MGAT5: variants seen among roughly 807,000 people sequenced by gnomAD.
The protein encoded by MGAT5 is alpha-1,6-mannosylglycoprotein 6-beta-N-acetylglucosaminyltransferase A.
In MGAT5, 30 loss-of-function variants were observed where a neutral mutation model predicts 94.3. That is an observed-to-expected ratio of 0.32 (90% CI 0.24 to 0.43). The LOEUF (loss-of-function observed/expected upper bound fraction) is 0.43. Ranked by LOEUF, MGAT5 falls within the 20% of genes least tolerant of loss-of-function variation. MGAT5 has a pLI of 1.00. For synonymous variants in MGAT5, 310 were observed against 322.9 expected, an observed-to-expected ratio of 0.96 and a Z score of 0.43; for missense variants, 691 against 905.5, an observed-to-expected ratio of 0.76 and a Z score of 3.04.
At chr2:134,179,618 C>A (rs1688640529) in intron 1 of MGAT5, among the ~76,000 whole-genome samples, 1 of 152,172 alleles carries the variant, frequency 6.6e-6, no homozygotes, top group Admixed American at 6.5e-5. Flanking sequence ...TGTCCAGGGT[C>A]ACCCGTAGGA....
At chr2:134,287,538 C>T (rs888134827) in intron 2 of MGAT5, among the ~76,000 whole-genome samples, 1 of 152,118 alleles carries the variant, frequency 6.6e-6, no homozygotes, top group African/African-American at 2.4e-5. Flanking sequence ...AGCTGCTGGG[C>T]CACCTCCTAG....
At chr2:134,391,483 A>G (rs1300603506) in intron 10 of MGAT5, among the ~76,000 whole-genome samples, 1 of 152,140 alleles carries the variant, frequency 6.6e-6, no homozygotes, top group East Asian at 1.9e-4. Flanking sequence ...GGGTGCCACT[A>G]TGGTTGGGTT....
chr2:134,414,610 T>C (rs1046108634), intron 12 of MGAT5, among the ~76,000 whole-genome samples: 2 of 152,132 alleles, frequency 1.3e-5, no homozygotes, highest in African/African-American at 2.4e-5. Context: ...AATAGATATT[T>C]TTTTCATGGT....
chr2:134,354,270 A>T (rs534546461), intron 9 of MGAT5, among the ~76,000 whole-genome samples: 2 of 152,290 alleles, frequency 1.3e-5, no homozygotes, highest in East Asian at 3.9e-4. Flanking sequence ...TACTGATGGA[A>T]TGCACAGTTT....
intron 15 of MGAT5, 65 bp downstream of exon 15, chr2:134,441,980 C>A: frequency 1.3e-6 from 2 of 1,564,216 alleles, no homozygotes; most frequent in South Asian, 2.3e-5. Context: ...GTTGGGTAGT[C>A]AGGTGAGAGG....
At chr2:134,123,296 C>T (rs1685699859) in intron 1 of MGAT5, among the ~76,000 whole-genome samples, 1 of 152,164 alleles carries the variant, frequency 6.6e-6, no homozygotes, top group African/African-American at 2.4e-5. Flanking sequence ...ACAACTTTTC[C>T]CTAATGTTCC....
intron 10 of MGAT5, among the ~76,000 whole-genome samples, chr2:134,366,631 C>A (rs1026382636): frequency 6.6e-6 from 1 of 152,152 alleles, no homozygotes; most frequent in Non-Finnish European, 1.5e-5. Flanking sequence ...CTGATGGCTT[C>A]TCAGCCTTAC....
chr2:134,333,618 G>T (rs555688688), intron 4 of MGAT5, among the ~76,000 whole-genome samples: 1 of 151,924 alleles, frequency 6.6e-6, no homozygotes, highest in East Asian at 1.9e-4. Flanking sequence ...AGGTGGTGGG[G>T]CTCACCTTGG....
intron 10 of MGAT5, among the ~76,000 whole-genome samples, chr2:134,367,948 G>T (rs1680537909): frequency 6.6e-6 from 1 of 152,218 alleles, no homozygotes; most frequent in African/African-American, 2.4e-5. Context: ...GCCTTTTAAG[G>T]AAGCAAGGGC....
At chr2:134,394,305 G>A (rs186155776) in intron 10 of MGAT5, among the ~76,000 whole-genome samples, 66 of 152,212 alleles carry the variant, frequency 4.3e-4, no homozygotes, top group African/African-American at 1.5e-3. Flanking sequence ...CACTGTGTGT[G>A]TTCGTATTTT....
chr2:134,353,593 T>G (rs748733619), intron 9 of MGAT5, among the ~76,000 whole-genome samples: 24 of 152,296 alleles, frequency 1.6e-4, no homozygotes, highest in Admixed American at 2.6e-4. Flanking sequence ...CTAGCACAAA[T>G]TGTATTTGAA....
chr2:134,311,346 A>C (rs1346950606), intron 2 of MGAT5, among the ~76,000 whole-genome samples: 1 of 152,148 alleles, frequency 6.6e-6, no homozygotes, highest in Non-Finnish European at 1.5e-5. Flanking sequence ...GAACTAGATA[A>C]AAAGTTAATG....
At chr2:134,137,879 C>CT (rs1686488140) in intron 1 of MGAT5, among the ~76,000 whole-genome samples, 1 of 146,836 alleles carries the variant, frequency 6.8e-6, no homozygotes, top group Non-Finnish European at 1.5e-5. Flanking sequence ...AGCATCTCGC[C>CT]TTTCTTTTCT....
intron 15 of MGAT5, among the ~76,000 whole-genome samples, chr2:134,443,187 G>T (rs200697181): frequency 1.1e-3 from 17 of 15,292 alleles, no homozygotes; most frequent in East Asian, 4.6e-3. Context: ...GTTTTTTTTT[G>T]TTGTTGTTGT....
At chr2:134,178,371 T>A (rs1243338519) in intron 1 of MGAT5, among the ~76,000 whole-genome samples, 1 of 152,144 alleles carries the variant, frequency 6.6e-6, no homozygotes, top group Non-Finnish European at 1.5e-5. Context: ...CCCCCAGGAC[T>A]GTGGAGGCAG....
chr2:134,381,611 C>T (rs1355320890), intron 10 of MGAT5, among the ~76,000 whole-genome samples: 1 of 151,958 alleles, frequency 6.6e-6, no homozygotes, highest in Non-Finnish European at 1.5e-5. Flanking sequence ...GATAGACAGA[C>T]AGACAGACAA....
chr2:134,326,126 T>G (rs1216302835), intron 4 of MGAT5, among the ~76,000 whole-genome samples: 4 of 151,724 alleles, frequency 2.6e-5, no homozygotes, highest in Non-Finnish European at 5.9e-5. Context: ...GGTACCTTCT[T>G]AATATATCAG....
intron 15 of MGAT5, among the ~76,000 whole-genome samples, chr2:134,447,523 C>T (rs1685857080): frequency 6.6e-6 from 1 of 152,178 alleles, no homozygotes; most frequent in Middle Eastern, 3.2e-3. Context: ...CTCATTTGTC[C>T]AGGGCCACAC....
At chr2:134,248,152 G>A (rs560150464) in intron 1 of MGAT5, among the ~76,000 whole-genome samples, 32 of 152,346 alleles carry the variant, frequency 2.1e-4, no homozygotes, top group African/African-American at 7.7e-4. Context: ...AGGTGCAAAT[G>A]TATTGTCAGA....
Sources: allele counts gnomAD v4.1 joint callset (sites outside exome capture counted in the v4.1 genomes callset), GRCh38; gene constraint gnomAD v4.1.1; transcripts MANE v1.5; gene names NCBI Gene and HGNC (gene_info 2026-07-23, HGNC 2026-07-21).